Variants in SCUBE1 observed in about 807,000 individuals in gnomAD.
The protein encoded by SCUBE1 is signal peptide, CUB and EGF-like domain-containing protein 1.
In SCUBE1, 59 loss-of-function variants were observed where a neutral mutation model predicts 124.4. That is an observed-to-expected ratio of 0.47 (90% CI 0.38 to 0.59). The LOEUF (loss-of-function observed/expected upper bound fraction) is 0.59. Among genes scored for constraint, SCUBE1 ranks in the 20% least tolerant of loss-of-function variants. SCUBE1 has a pLI of 0.00. For synonymous variants in SCUBE1, 545 were observed against 550.9 expected, an observed-to-expected ratio of 0.99 and a Z score of 0.15; for missense variants, 1,150 against 1,371.2, an observed-to-expected ratio of 0.84 and a Z score of 2.55.
intron 7 of SCUBE1, 143 bp from the exon 8 acceptor site, chr22:43,232,018 C>T (rs1922575363): frequency 6.3e-6 from 6 of 947,380 alleles, no homozygotes; most frequent in Non-Finnish European, 8.1e-6. Flanking sequence ...GCTGGCTCCC[C>T]AGCTGTGCAG....
rs5996293 is a variant in SCUBE1 at position 43,214,908 on chromosome 22, G to A, written c.1892-657C>T. On this transcript the variant is annotated intron_variant, in intron 15 of 21. Coordinates refer to ENST00000360835, the MANE Select transcript of SCUBE1 (RefSeq NM_173050.5). Reference sequence around the variant, plus strand: ...AGATGCTTACAAATGCGGAAATGGGGAGTGAAGGTTAGAAAAGACCCTGAG... The same window carrying A: ...AGATGCTTACAAATGCGGAAATGGGAAGTGAAGGTTAGAAAAGACCCTGAG... Among the ~76,000 whole-genome samples the A allele has an allele frequency of 2.8e-3, 432 of 152,322 alleles. 2 individuals are homozygous for A. Among genetic ancestry groups the A allele is most frequent in the African/African-American group, 9.8e-3 (407 of 41,558 alleles).
intron 2 of SCUBE1, 23 bp downstream of exon 2, chr22:43,339,081 C>A: frequency 6.2e-7 from 1 of 1,612,612 alleles, no homozygotes; most frequent in Non-Finnish European, 8.5e-7. Flanking sequence ...AGGGTCTGCC[C>A]GGGAGGGCCG....
At chr22:43,252,983 A>C (rs1364929694) in intron 6 of SCUBE1, among the ~76,000 whole-genome samples, 9 of 130,148 alleles carry the variant, frequency 6.9e-5, no homozygotes, top group South Asian at 2.6e-4. Flanking sequence ...TCTATTAATA[A>C]AACGTGGGGG....
chr22:43,305,558 G>A (rs1229863548), intron 3 of SCUBE1, among the ~76,000 whole-genome samples: 3 of 152,142 alleles, frequency 2.0e-5, no homozygotes, highest in African/African-American at 7.2e-5. Context: ...ATGAGGAGCC[G>A]GGGGACAGGC....
chr22:43,260,511 C>T (rs1272953125), intron 5 of SCUBE1, among the ~76,000 whole-genome samples: 1 of 152,232 alleles, frequency 6.6e-6, no homozygotes, highest in Non-Finnish European at 1.5e-5. Context: ...GGCCTCAGCC[C>T]CCAACCCAGC....
intron 4 of SCUBE1, among the ~76,000 whole-genome samples, chr22:43,278,282 C>T (rs1924615534): frequency 6.6e-6 from 1 of 152,254 alleles, no homozygotes; most frequent in African/African-American, 2.4e-5. Context: ...GCGAGGAGAA[C>T]CTGCAACCCC....
intron 4 of SCUBE1, among the ~76,000 whole-genome samples, chr22:43,275,732 C>T (rs1412511809): frequency 2.6e-5 from 4 of 152,296 alleles, no homozygotes; most frequent in East Asian, 1.9e-4. Context: ...TGACACATAC[C>T]GAGGTTGTAA....
intron 4 of SCUBE1, 96 bp downstream of exon 4, chr22:43,290,944 GCCTTGA>G: frequency 2.2e-6 from 3 of 1,340,768 alleles, no homozygotes; most frequent in Non-Finnish European, 3.0e-6. Flanking sequence ...AAAATTCCCT[GCCTTGA>G]CCTTGAGGGC....
At position 43,200,983 on chromosome 22, in the gene SCUBE1, CTCTT is replaced by C. The variant is rs1920992104; in HGVS notation, c.*3010_*3013del. The C allele has an allele frequency of 1.3e-5, 2 of 152,150 alleles. No homozygotes were observed. Among genetic ancestry groups the C allele is most frequent in the East Asian group, 1.9e-4 (1 of 5,190 alleles). The allele number at this position is 152,150 out of a possible 1,614,324, so 9.4% of individuals were successfully genotyped here. A position where few individuals can be genotyped will look rare whatever the true frequency, so the allele number is the denominator to read the frequency against. On this transcript the variant is annotated 3_prime_UTR_variant, in exon 22 of 22. Transcript: ENST00000360835. ...AGAAAGAGCTCAGAGAGGTTAAGAG[CTCTT>C]TCTGTTTCTGGAAAGGATTAAAAAA...
chr22:43,281,559 C>CTCAGTCACCCTCCTGTCACCTCCCT (rs371084124), intron 4 of SCUBE1, among the ~76,000 whole-genome samples: 1 of 88,670 alleles, frequency 1.1e-5, no homozygotes, highest in African/African-American at 7.1e-5. Context: ...TGTCACCTCC[C>CTCAGTCACCCTCCTGTCACCTCCCT]CCTCAGCCAC....
chr22:43,273,606 C>T (rs907125577), intron 4 of SCUBE1, among the ~76,000 whole-genome samples: 2 of 128,312 alleles, frequency 1.6e-5, no homozygotes, highest in South Asian at 2.5e-4. Context: ...CTCACTCTGC[C>T]GCCCAGGCTG....
At chr22:43,316,348 C>T (rs893185097) in intron 3 of SCUBE1, among the ~76,000 whole-genome samples, 6 of 152,196 alleles carry the variant, frequency 3.9e-5, no homozygotes, top group Non-Finnish European at 7.3e-5. Flanking sequence ...GGTGATATTG[C>T]CTGCTTTTAA....
chr22:43,286,274 A>G (rs1925138338), intron 4 of SCUBE1, among the ~76,000 whole-genome samples: 1 of 152,260 alleles, frequency 6.6e-6, no homozygotes, highest in African/African-American at 2.4e-5. Flanking sequence ...CAAGGTCACG[A>G]GATGGTCCAT....
intron 6 of SCUBE1, among the ~76,000 whole-genome samples, chr22:43,239,681 C>T (rs900537711): frequency 2.0e-5 from 3 of 152,228 alleles, no homozygotes; most frequent in East Asian, 1.9e-4. Context: ...AGCTGGCACA[C>T]CAGGATGCTG....
chr22:43,313,297 A>G (rs745668203), intron 3 of SCUBE1, among the ~76,000 whole-genome samples: 2 of 152,220 alleles, frequency 1.3e-5, no homozygotes, highest in Non-Finnish European at 2.9e-5. Flanking sequence ...TCTCTTCAAC[A>G]GGGAAAAAAA....
chr22:43,208,550 C>T (rs755572626), intron 19 of SCUBE1, among the ~76,000 whole-genome samples: 24 of 152,170 alleles, frequency 1.6e-4, no homozygotes, highest in Non-Finnish European at 1.2e-4. Context: ...TCTCCATCTC[C>T]CTCCAGCTAA....
chr22:43,266,755 C>T (rs537514574), intron 4 of SCUBE1, among the ~76,000 whole-genome samples: 2 of 152,236 alleles, frequency 1.3e-5, no homozygotes, highest in East Asian at 1.9e-4. Flanking sequence ...GCAGAGTGGG[C>T]GACTACACGG....
At position 43,211,040 on chromosome 22, in the gene SCUBE1, G is replaced by T. The variant is rs12484092; in HGVS notation, c.2265C>A (p.Arg755=). 1 of 1,613,994 alleles carries T rather than the reference G, an allele frequency of 6.2e-7. No homozygotes were observed. The highest frequency in any genetic ancestry group is 8.5e-7 in the Non-Finnish European group (1 of 1,179,970). ...PGHHYNTTTH[R]CIRCPVGTYQ... ...AGGTGCCGACGGGGCAGCGGATGCAGCGGTGGGTGGTGGTGTTGTAGTGGT... is the reference window on the plus strand; with the variant it reads ...AGGTGCCGACGGGGCAGCGGATGCATCGGTGGGTGGTGGTGTTGTAGTGGT... Residue 755 remains arginine (R), a synonymous_variant, in exon 18 of 22, where the codon CGC becomes CGA. Coordinates refer to ENST00000360835, the MANE Select transcript of SCUBE1 (RefSeq NM_173050.5). The surrounding 1 kb of genome is among the most constrained non-coding windows in gnomAD (Gnocchi z 4.5).
chr22:43,305,229 T>G (rs1925924602), intron 3 of SCUBE1, among the ~76,000 whole-genome samples: 1 of 152,156 alleles, frequency 6.6e-6, no homozygotes, highest in Admixed American at 6.5e-5. Flanking sequence ...GACACGGACA[T>G]CAGGACATGA....
Sources: allele counts gnomAD v4.1 joint callset (sites outside exome capture counted in the v4.1 genomes callset), GRCh38; gene constraint gnomAD v4.1.1; non-coding constraint Gnocchi (gnomAD v3.1); transcripts MANE v1.5; gene names NCBI Gene and HGNC (gene_info 2026-07-23, HGNC 2026-07-21).